MCU: variants seen among roughly 807,000 people sequenced by gnomAD.
The protein encoded by MCU is mitochondrial calcium uniporter, also known as calcium uniporter protein, mitochondrial.
In MCU, 12 loss-of-function variants were observed where a neutral mutation model predicts 45.2. The ratio of observed to expected loss-of-function variants is 0.27; its 90% CI spans 0.17 to 0.43. The LOEUF (loss-of-function observed/expected upper bound fraction) is 0.43. Ranked by LOEUF, MCU falls within the 20% of genes least tolerant of loss-of-function variation. The pLI is 1.00. For synonymous variants in MCU, 160 were observed against 165.1 expected (o/e 0.97, Z 0.24); for missense variants, 324 against 436.7 (o/e 0.74, Z 2.30).
intron 1 of MCU, among the ~76,000 whole-genome samples, chr10:72,755,689 C>G (rs1843565371): frequency 6.6e-6 from 1 of 152,138 alleles, no homozygotes; most frequent in Non-Finnish European, 1.5e-5. Context: ...TAATTCAAAG[C>G]AATTTGAACG....
intron 1 of MCU, among the ~76,000 whole-genome samples, chr10:72,725,603 T>C (rs1320005284): frequency 6.6e-6 from 1 of 152,158 alleles, no homozygotes; most frequent in East Asian, 1.9e-4. Flanking sequence ...AAAATATTAA[T>C]GTAGGCCGGG....
intron 6 of MCU, among the ~76,000 whole-genome samples, chr10:72,881,110 G>C (rs141105212): frequency 9.2e-5 from 14 of 152,152 alleles, no homozygotes; most frequent in African/African-American, 3.4e-4. Flanking sequence ...AGCCTTGGTG[G>C]CAGAGTGAGA....
At chr10:72,856,816 G>A (rs1205255045) in intron 2 of MCU, among the ~76,000 whole-genome samples, 1 of 136 alleles carries the variant, frequency 7.4e-3, no homozygotes. Context: ...GGTGGTGCAC[G>A]CCTGTAGTTC....
At chr10:72,867,759 GCAGGAAAATGGTGTGAA>G (rs1405832740) in intron 4 of MCU, among the ~76,000 whole-genome samples, 1 of 151,498 alleles carries the variant, frequency 6.6e-6, no homozygotes, top group South Asian at 2.1e-4. Context: ...GGAGGCTGAG[GCAGGAAAATGGTGTGAA>G]CCCAGGAGGT....
chr10:72,734,109 G>A (rs1843218637), intron 1 of MCU, among the ~76,000 whole-genome samples: 1 of 152,018 alleles, frequency 6.6e-6, no homozygotes, highest in Non-Finnish European at 1.5e-5. Context: ...GATTGGGTGC[G>A]TTTGCTCACA....
At chr10:72,739,624 G>GT (rs1394264827) in intron 1 of MCU, among the ~76,000 whole-genome samples, 1 of 152,004 alleles carries the variant, frequency 6.6e-6, no homozygotes, top group African/African-American at 2.4e-5. Context: ...CGCTTTAGGG[G>GT]TATGTGATTA....
At chr10:72,773,549 G>T (rs1589453148) in intron 1 of MCU, among the ~76,000 whole-genome samples, 1 of 152,202 alleles carries the variant, frequency 6.6e-6, no homozygotes, top group South Asian at 2.1e-4. Context: ...TGAGCAAGAG[G>T]AAAGATAGAA....
intron 6 of MCU, among the ~76,000 whole-genome samples, chr10:72,871,896 G>C (rs1432115077): frequency 6.6e-6 from 1 of 152,190 alleles, no homozygotes; most frequent in East Asian, 1.9e-4. Flanking sequence ...ATCAGCTGTA[G>C]GATAACCTGT....
At chr10:72,702,919 A>G (rs1031428858) in intron 1 of MCU, among the ~76,000 whole-genome samples, 4 of 151,838 alleles carry the variant, frequency 2.6e-5, no homozygotes, top group African/African-American at 9.7e-5. Context: ...CAGAGGTTGC[A>G]GTGAGCTGAC....
chr10:72,858,798 C>T (rs1845332562), intron 2 of MCU, among the ~76,000 whole-genome samples: 3 of 152,156 alleles, frequency 2.0e-5, no homozygotes, highest in Admixed American at 6.5e-5. Context: ...CCGAGAGCCA[C>T]GTCCTACAGG....
At chr10:72,729,306 A>G (rs1457256273) in intron 1 of MCU, among the ~76,000 whole-genome samples, 1 of 152,094 alleles carries the variant, frequency 6.6e-6, no homozygotes, top group Non-Finnish European at 1.5e-5. Context: ...CTCTACTAAA[A>G]ATACAAAAAA....
chr10:72,884,442 TC>T (rs879830245), intron 7 of MCU, 60 bp downstream of exon 7: 5 of 927,674 alleles, frequency 5.4e-6, no homozygotes, highest in Non-Finnish European at 8.8e-6. Context: ...ATTATTATTA[TC>T]CACAGCCACG....
chr10:72,758,497 A>G (rs995284144), intron 1 of MCU, among the ~76,000 whole-genome samples: 1 of 152,200 alleles, frequency 6.6e-6, no homozygotes, highest in Non-Finnish European at 1.5e-5. Flanking sequence ...TGGTGTATGT[A>G]TGAAACCTCA....
At chr10:72,706,516 T>C (rs1316250652) in intron 1 of MCU, among the ~76,000 whole-genome samples, 1 of 152,160 alleles carries the variant, frequency 6.6e-6, no homozygotes, top group African/African-American at 2.4e-5. Flanking sequence ...ACTATGAAAT[T>C]TTTTAGAGAC....
chr10:72,747,706 G>A (rs1175916867), intron 1 of MCU, among the ~76,000 whole-genome samples: 2 of 152,108 alleles, frequency 1.3e-5, no homozygotes, highest in East Asian at 3.9e-4. Context: ...ATGTGGTGAC[G>A]TACGCCTGTG....
intron 1 of MCU, chr10:72,756,927 A>G (rs1016777484): frequency 3.3e-5 from 5 of 152,132 alleles, no homozygotes; most frequent in Middle Eastern, 6.8e-3. Flanking sequence ...AGTCCCAGGT[A>G]CTTGGGAGGC....
chr10:72,760,712 CTTTCTTTTTTTTTTTTT>C (rs1255099761), intron 1 of MCU: 6 of 116,816 alleles, frequency 5.1e-5, no homozygotes, highest in Admixed American at 5.1e-4. Context: ...TTTTTTTTTT[CTTTCTTTTTTTTTTTTT>C]TTTTGCAGAG....
chr10:72,851,070 A>G (rs1403987518), intron 2 of MCU, among the ~76,000 whole-genome samples: 4 of 152,208 alleles, frequency 2.6e-5, no homozygotes, highest in Admixed American at 6.5e-5. Flanking sequence ...ATTACAGTCT[A>G]CTGTGTAGGA....
intron 1 of MCU, among the ~76,000 whole-genome samples, chr10:72,718,337 A>T (rs1162173967): frequency 6.6e-6 from 1 of 152,206 alleles, no homozygotes; most frequent in Non-Finnish European, 1.5e-5. Flanking sequence ...TAGCATCATC[A>T]ATTTCAGAAA....
Sources: allele counts gnomAD v4.1 joint callset (sites outside exome capture counted in the v4.1 genomes callset), GRCh38; gene constraint gnomAD v4.1.1; transcripts MANE v1.5; gene names NCBI Gene and HGNC (gene_info 2026-07-23, HGNC 2026-07-21).